The following MYO3B variants were observed in gnomAD, a reference collection of about 807,000 sequenced individuals.
MYO3B encodes the protein myosin-IIIb.
MYO3B carries 156 observed loss-of-function variants against 174.6 expected under a neutral mutation model. That is an observed-to-expected ratio of 0.89 (90% confidence interval 0.78 to 1.02). MYO3B has a LOEUF of 1.02. MYO3B is among the 50% of genes least tolerant of loss of function. The probability of loss-of-function intolerance (pLI) is 0.00; values close to 1 mark genes in which losing one functional copy is unlikely to be tolerated. For synonymous variants in MYO3B, 563 were observed against 569.1 expected, an observed-to-expected ratio of 0.99 and a Z score of 0.15; for missense variants, 1,632 against 1,639.4, an observed-to-expected ratio of 1.00 and a Z score of 0.08.
chr2:170,383,391 C>T (rs1212694705), intron 11 of MYO3B, among the ~76,000 whole-genome samples: 1 of 152,196 alleles, frequency 6.6e-6, no homozygotes, highest in Non-Finnish European at 1.5e-5. Flanking sequence ...TAATAGTTAA[C>T]ATTTATTGCG....
chr2:170,345,684 C>T (rs759091181), intron 8 of MYO3B, among the ~76,000 whole-genome samples: 10 of 151,682 alleles, frequency 6.6e-5, no homozygotes, highest in Admixed American at 1.3e-4. Flanking sequence ...ATTGTGTCCC[C>T]TCAAAATTCA....
intron 32 of MYO3B, among the ~76,000 whole-genome samples, chr2:170,555,519 T>C (rs1413395352): frequency 3.9e-5 from 6 of 152,158 alleles, no homozygotes; most frequent in Non-Finnish European, 8.8e-5. Context: ...CAGAATGTCA[T>C]ATAGTTGGAA....
chr2:170,323,886 G>A (rs941192802), intron 7 of MYO3B, among the ~76,000 whole-genome samples: 12 of 152,256 alleles, frequency 7.9e-5, no homozygotes, highest in African/African-American at 2.9e-4. Flanking sequence ...TTCCTGACTG[G>A]ACCTAAAAGA....
rs759557709 is a variant in MYO3B at position 170,200,327 on chromosome 2, C to A, written c.321+43C>A. 12 of 1,588,266 alleles carry A rather than the reference C, an allele frequency of 7.6e-6. No individual in the cohort carries two copies. In the South Asian group the frequency reaches 1.3e-4, roughly 17 times the overall value. ...GGTAACCAGTGATTTGAACAGAGTG[C>A]CAGAGGCCAACAGATGCTTTATTAC... On this transcript the variant is annotated intron_variant, in intron 3 of 34. Coordinates refer to ENST00000408978, the MANE Select transcript of MYO3B (RefSeq NM_138995.5).
intron 32 of MYO3B, among the ~76,000 whole-genome samples, chr2:170,574,991 C>T (rs1479772214): frequency 6.6e-6 from 1 of 152,136 alleles, no homozygotes; most frequent in Non-Finnish European, 1.5e-5. Context: ...GATGAGCACT[C>T]TCATTCACTG....
chr2:170,564,199 G>T (rs1390879362), intron 32 of MYO3B, among the ~76,000 whole-genome samples: 1 of 152,220 alleles, frequency 6.6e-6, no homozygotes, highest in Non-Finnish European at 1.5e-5. Context: ...GCAGCCAGGT[G>T]TGGTGGCTCA....
chr2:170,568,221 A>G (rs900288462), intron 32 of MYO3B, among the ~76,000 whole-genome samples: 1 of 152,244 alleles, frequency 6.6e-6, no homozygotes, highest in Non-Finnish European at 1.5e-5. Flanking sequence ...GGGTATGTAA[A>G]GTTATCTTAT....
At chr2:170,606,324 T>G (rs1694806126) in intron 32 of MYO3B, among the ~76,000 whole-genome samples, 1 of 152,196 alleles carries the variant, frequency 6.6e-6, no homozygotes, top group Non-Finnish European at 1.5e-5. Flanking sequence ...ACATTCTAGC[T>G]ACACTGGGCA....
chr2:170,316,494 C>A (rs1165558100), intron 7 of MYO3B, among the ~76,000 whole-genome samples: 21 of 152,218 alleles, frequency 1.4e-4, no homozygotes, highest in Admixed American at 1.4e-3. Flanking sequence ...TATGCCTGGG[C>A]AGGAAATCTT....
intron 7 of MYO3B, among the ~76,000 whole-genome samples, chr2:170,285,491 G>C (rs1295510495): frequency 6.6e-6 from 1 of 151,972 alleles, no homozygotes; most frequent in Non-Finnish European, 1.5e-5. Flanking sequence ...TTCCCAAGTA[G>C]CTGGGACTAC....
rs1366783114 is a variant in MYO3B, at chr2:170,369,388, CTCTT to C, written c.971+16_971+19del. ...TGTTGCTAAAACCAGGTACTGTACT[CTCTT>C]TCTTCTTTCTCCCTGTGGTTGTTTA... On this transcript the variant is annotated intron_variant, in intron 9 of 34. Transcript: ENST00000408978. The C allele has an allele frequency of 1.9e-6, 3 of 1,604,232 alleles. No homozygotes were observed. Among genetic ancestry groups the C allele is most frequent in the Admixed American group, 1.7e-5 (1 of 58,786 alleles).
Position 170,364,068 on chromosome 2 carries a change from A to G in MYO3B, c.816-5154A>G, listed in dbSNP as rs565438514. On this transcript the variant is annotated intron_variant, in intron 8 of 34. Coordinates refer to ENST00000408978, the MANE Select transcript of MYO3B (RefSeq NM_138995.5). ...TGAAACACTGTCTTTTGCAGAAACAATAGCCCTCCAGAGTGTCTGAGATGT... is the reference window on the plus strand; with the variant it reads ...TGAAACACTGTCTTTTGCAGAAACAGTAGCCCTCCAGAGTGTCTGAGATGT... 1.1e-3 allele frequency among the ~76,000 whole-genome samples: 162 copies of G among 152,278 alleles called. 1 individual carries two copies. The highest frequency in any genetic ancestry group is 3.9e-3 in the Admixed American group (60 of 15,278).
chr2:170,453,134 C>T (rs1575002822), intron 23 of MYO3B, among the ~76,000 whole-genome samples: 1 of 152,184 alleles, frequency 6.6e-6, no homozygotes, highest in East Asian at 1.9e-4. Flanking sequence ...ATTTTAAGGA[C>T]ATAAAACAAC....
chr2:170,618,009 C>CTG (rs768801820), intron 32 of MYO3B, among the ~76,000 whole-genome samples: 5 of 152,202 alleles, frequency 3.3e-5, no homozygotes, highest in Non-Finnish European at 5.9e-5. Context: ...AATGAGAGCC[C>CTG]TGATATCAAG....
intron 23 of MYO3B, among the ~76,000 whole-genome samples, chr2:170,446,275 G>T (rs1173982363): frequency 3.9e-5 from 6 of 152,138 alleles, no homozygotes; most frequent in Admixed American, 1.3e-4. Flanking sequence ...TTCTAAAAGG[G>T]ATTATGACAC....
At chr2:170,197,729 C>T (rs974396881) in intron 1 of MYO3B, among the ~76,000 whole-genome samples, 2 of 58,324 alleles carry the variant, frequency 3.4e-5, no homozygotes, top group Non-Finnish European at 7.7e-5. Flanking sequence ...TCTTCCTCCT[C>T]ATATTTCTTG....
chr2:170,301,023 T>A (rs2093662051), intron 7 of MYO3B, among the ~76,000 whole-genome samples: 1 of 152,238 alleles, frequency 6.6e-6, no homozygotes, highest in African/African-American at 2.4e-5. Context: ...ACAGGCTACA[T>A]CTTTGTGTCT....
intron 1 of MYO3B, among the ~76,000 whole-genome samples, chr2:170,187,110 T>G (rs765254157): frequency 6.6e-6 from 1 of 152,122 alleles, no homozygotes; most frequent in Non-Finnish European, 1.5e-5. Flanking sequence ...AACAAACTGT[T>G]TGTTTCCTTG....
intron 7 of MYO3B, among the ~76,000 whole-genome samples, chr2:170,328,167 G>T (rs1364809074): frequency 6.6e-6 from 1 of 152,068 alleles, no homozygotes; most frequent in Non-Finnish European, 1.5e-5. Context: ...CTCTCAAAGT[G>T]CTAGGATTAC....
Sources: gnomAD v4.1 joint callset for allele counts (sites outside exome capture counted in the v4.1 genomes callset) on GRCh38, gnomAD v4.1.1 for gene constraint, MANE v1.5 for transcripts, NCBI Gene and HGNC (gene_info 2026-07-23, HGNC 2026-07-21) for gene names.